PTPN4: variants seen among roughly 807,000 people sequenced by gnomAD.
PTPN4 encodes protein tyrosine phosphatase non-receptor type 4, also known as tyrosine-protein phosphatase non-receptor type 4.
A neutral mutation model predicts 135.5 loss-of-function variants in PTPN4; 49 were observed. That is an observed-to-expected ratio of 0.36 (90% CI 0.29 to 0.46). The LOEUF is 0.46. Among genes scored for constraint, PTPN4 ranks in the 20% least tolerant of loss-of-function variants. The pLI is 1.00. For missense variants in PTPN4, 860 were observed against 1,101.0 expected (o/e 0.78, Z 3.10); for synonymous variants, 333 against 369.9 (o/e 0.90, Z 1.14).
At chr2:119,775,154 G>C (rs948219770) in intron 1 of PTPN4, among the ~76,000 whole-genome samples, 2 of 126,424 alleles carry the variant, frequency 1.6e-5, no homozygotes, top group African/African-American at 5.9e-5. Flanking sequence ...TAGTAAGAGA[G>C]AAGTGAGCAT....
At chr2:119,818,952 A>G (rs892452745) in intron 2 of PTPN4, among the ~76,000 whole-genome samples, 4 of 152,134 alleles carry the variant, frequency 2.6e-5, no homozygotes, top group Non-Finnish European at 2.9e-5. Flanking sequence ...GTTAACAGCT[A>G]TTTTCTCCTA....
chr2:119,835,658 G>A (rs1368522339), intron 2 of PTPN4, among the ~76,000 whole-genome samples: 4 of 152,120 alleles, frequency 2.6e-5, no homozygotes, highest in African/African-American at 4.8e-5. Context: ...ATTATGGAAC[G>A]AACTGGTTCT....
chr2:119,829,027 C>T (rs1045806249), intron 2 of PTPN4, among the ~76,000 whole-genome samples: 16 of 152,312 alleles, frequency 1.1e-4, no homozygotes, highest in Middle Eastern at 6.8e-3. Context: ...CTATCCACCA[C>T]CCTTTATTCA....
At chr2:119,830,693 C>T (rs1373015752) in intron 2 of PTPN4, among the ~76,000 whole-genome samples, 1 of 152,094 alleles carries the variant, frequency 6.6e-6, no homozygotes, top group Non-Finnish European at 1.5e-5. Flanking sequence ...GTCTCGAGCT[C>T]CTGACCTCAA....
At chr2:119,958,174 A>G (rs1364875438) in intron 22 of PTPN4, among the ~76,000 whole-genome samples, 1 of 151,816 alleles carries the variant, frequency 6.6e-6, no homozygotes, top group Non-Finnish European at 1.5e-5. Context: ...AAATAAAAAT[A>G]TAAAAATATA....
intron 18 of PTPN4, among the ~76,000 whole-genome samples, chr2:119,946,872 C>G (rs1023562391): frequency 6.6e-6 from 1 of 151,990 alleles, no homozygotes; most frequent in South Asian, 2.1e-4. Flanking sequence ...GGTATAGTTT[C>G]GTGGGGGTTT....
intron 1 of PTPN4, among the ~76,000 whole-genome samples, chr2:119,760,948 GCTTACA>G (rs1283809785): frequency 1.3e-5 from 2 of 151,464 alleles, no homozygotes; most frequent in Non-Finnish European, 2.9e-5. Context: ...AAATGGAACA[GCTTACA>G]GTTGCACAGG....
intron 3 of PTPN4, among the ~76,000 whole-genome samples, chr2:119,871,181 C>T (rs1479221753): frequency 6.8e-6 from 1 of 148,022 alleles, no homozygotes; most frequent in Non-Finnish European, 1.5e-5. Flanking sequence ...ACTAGATTAG[C>T]AAAAATACAG....
chr2:119,785,225 A>C (rs2104931382), intron 1 of PTPN4, among the ~76,000 whole-genome samples: 1 of 152,280 alleles, frequency 6.6e-6, no homozygotes, highest in East Asian at 1.9e-4. Context: ...TTTGAGAACC[A>C]CTGCTCTACA....
chr2:119,932,105 A>G (rs541064370), intron 13 of PTPN4, among the ~76,000 whole-genome samples: 14 of 152,306 alleles, frequency 9.2e-5, no homozygotes, highest in Admixed American at 3.3e-4. Context: ...TGTCAGTAAC[A>G]TCTGAGAAAA....
At chr2:119,782,442 C>A (rs1690958393) in intron 1 of PTPN4, among the ~76,000 whole-genome samples, 1 of 151,882 alleles carries the variant, frequency 6.6e-6, no homozygotes, top group Admixed American at 6.6e-5. Context: ...AAAAAAAATT[C>A]TTAAGTTATA....
Position 119,956,846 on chromosome 2 carries a change from A to C in PTPN4, c.1983A>C (p.Gln661His). The change falls in exon 21 of 27, where the codon CAA becomes CAC. Residue 661 changes from glutamine to histidine, a missense_variant and splice_region_variant. Gln to His is a conservative substitution (Grantham distance 24, BLOSUM62 0). Coordinates refer to ENST00000263708, the MANE Select transcript of PTPN4 (RefSeq NM_002830.4). The stretch of plus-strand genomic sequence containing the variant: ...GTACCTTTTTTTTTTTTTTTTAGCA[A>C]CTGTATCGGAAAAAACCTGGAATGA... ...ITGTVLTQFD[Q>H]LYRKKPGMTM... 6.3e-7 allele frequency: 1 copy of C among 1,576,150 alleles called. No homozygotes were observed. The highest frequency in any genetic ancestry group is 8.5e-7 in the Non-Finnish European group (1 of 1,169,850).
intron 12 of PTPN4, among the ~76,000 whole-genome samples, chr2:119,924,471 A>G (rs1314496421): frequency 6.6e-6 from 1 of 150,592 alleles, no homozygotes; most frequent in East Asian, 1.9e-4. Context: ...GACTGTGGGT[A>G]AAAACAATTT....
chr2:119,936,471 A>T (rs915298697), intron 15 of PTPN4, among the ~76,000 whole-genome samples: 1 of 152,114 alleles, frequency 6.6e-6, no homozygotes, highest in Non-Finnish European at 1.5e-5. Context: ...TGTTCTTGTG[A>T]TAATGAATGA....
At chr2:119,809,119 A>G (rs1330431288) in intron 1 of PTPN4, among the ~76,000 whole-genome samples, 1 of 151,238 alleles carries the variant, frequency 6.6e-6, no homozygotes, top group Non-Finnish European at 1.5e-5. Context: ...TTAATTTTCT[A>G]GGTATATAAG....
chr2:119,798,168 CTTT>C (rs201921444), intron 1 of PTPN4, among the ~76,000 whole-genome samples: 1 of 142,210 alleles, frequency 7.0e-6, no homozygotes, highest in Admixed American at 7.1e-5. Flanking sequence ...ACTGCAACAT[CTTT>C]TTTTTTTTTT....
At chr2:119,901,576 A>G (rs1174347732) in intron 10 of PTPN4, among the ~76,000 whole-genome samples, 2 of 152,216 alleles carry the variant, frequency 1.3e-5, no homozygotes, top group African/African-American at 4.8e-5. Context: ...AGCATTTAGC[A>G]AAAAATTACA....
chr2:119,803,494 T>C (rs916834350), intron 1 of PTPN4, among the ~76,000 whole-genome samples: 1 of 152,250 alleles, frequency 6.6e-6, no homozygotes, highest in African/African-American at 2.4e-5. Context: ...CTTTCTGTTG[T>C]TGATTTCTGG....
intron 2 of PTPN4, among the ~76,000 whole-genome samples, chr2:119,837,227 G>T (rs943285464): frequency 2.6e-5 from 4 of 152,180 alleles, no homozygotes; most frequent in African/African-American, 9.6e-5. Flanking sequence ...CAGATGTTGG[G>T]ATTTACCAGC....
Sources: allele counts gnomAD v4.1 joint callset (sites outside exome capture counted in the v4.1 genomes callset), GRCh38; gene constraint gnomAD v4.1.1; transcripts MANE v1.5; gene names NCBI Gene and HGNC (gene_info 2026-07-23, HGNC 2026-07-21).